WASF3: variants seen among roughly 807,000 people sequenced by gnomAD.
WASF3 encodes WASP family member 3, also known as actin-binding protein WASF3.
WASF3 carries 11 observed loss-of-function variants against 46.6 expected under a neutral mutation model. The ratio of observed to expected loss-of-function variants is 0.24; its 90% CI spans 0.15 to 0.39. WASF3 has a LOEUF of 0.39. Among genes scored for constraint, WASF3 ranks in the 10% least tolerant of loss-of-function variants. The pLI is 1.00. For missense variants in WASF3, 576 were observed against 669.8 expected (o/e 0.86, Z 1.55); for synonymous variants, 242 against 259.7 (o/e 0.93, Z 0.65).
intron 1 of WASF3, chr13:26,606,857 T>TA (rs1250311921): frequency 2.0e-5 from 3 of 152,188 alleles, no homozygotes; most frequent in Non-Finnish European, 1.5e-5. Context: ...AGGTTTCACT[T>TA]ACCGCAGTTT....
At chr13:26,622,465 G>C (rs886257088) in intron 2 of WASF3, among the ~76,000 whole-genome samples, 1 of 152,198 alleles carries the variant, frequency 6.6e-6, no homozygotes, top group Non-Finnish European at 1.5e-5. Context: ...CAGTTTATTT[G>C]CCCCATTACA....
chr13:26,556,651 G>A (rs114769995), upstream of WASF3, among the ~76,000 whole-genome samples: 2,368 of 152,254 alleles, frequency 0.016, 18 homozygotes, highest in African/African-American at 0.027. Flanking sequence ...TGCATTTCTG[G>A]TGTTGCAAAC....
intron 1 of WASF3, among the ~76,000 whole-genome samples, chr13:26,611,091 C>G (rs1880964626): frequency 7.3e-6 from 1 of 137,360 alleles, no homozygotes; most frequent in South Asian, 2.4e-4. Flanking sequence ...AAGCTGGTCT[C>G]AAACTCCTGG....
chr13:26,569,168 C>T (rs997712306), intron 1 of WASF3, among the ~76,000 whole-genome samples: 3 of 152,084 alleles, frequency 2.0e-5, no homozygotes, highest in Non-Finnish European at 4.4e-5. Context: ...AAAATAAAAT[C>T]ACAATCATAG....
intron 9 of WASF3, among the ~76,000 whole-genome samples, chr13:26,683,719 A>G (rs1168403442): frequency 6.6e-6 from 1 of 152,106 alleles, no homozygotes; most frequent in Non-Finnish European, 1.5e-5. Flanking sequence ...TATAATATTC[A>G]ACAGCATAAC....
At chr13:26,557,174 G>C (rs893330861), upstream of WASF3, among the ~76,000 whole-genome samples, 3 of 152,134 alleles carry the variant, frequency 2.0e-5, no homozygotes, top group African/African-American at 7.2e-5. Flanking sequence ...AAGGAGATGG[G>C]AAGATTTTAA....
At chr13:26,668,716 G>A (rs772301511) in intron 5 of WASF3, among the ~76,000 whole-genome samples, 5 of 152,166 alleles carry the variant, frequency 3.3e-5, no homozygotes, top group Admixed American at 1.3e-4. Context: ...CTTTCTTTCC[G>A]CACAGACAGG....
At chr13:26,603,293 A>G (rs1880696654) in intron 1 of WASF3, among the ~76,000 whole-genome samples, 1 of 152,220 alleles carries the variant, frequency 6.6e-6, no homozygotes, top group Non-Finnish European at 1.5e-5. Flanking sequence ...ATCTGGTTTC[A>G]GAGAGCAAGG....
intron 1 of WASF3, among the ~76,000 whole-genome samples, chr13:26,578,527 C>A (rs186769538): frequency 1.3e-5 from 2 of 152,300 alleles, no homozygotes; most frequent in Admixed American, 1.3e-4. Context: ...ACAGTAAAAC[C>A]TAATGGTCAG....
intron 3 of WASF3, among the ~76,000 whole-genome samples, chr13:26,646,889 T>G (rs534216285): frequency 6.6e-6 from 1 of 152,332 alleles, no homozygotes; most frequent in East Asian, 1.9e-4. Context: ...GTCACACTTA[T>G]GGAGACAGTT....
At chr13:26,604,395 C>T (rs1441217320) in intron 1 of WASF3, among the ~76,000 whole-genome samples, 3 of 152,030 alleles carry the variant, frequency 2.0e-5, no homozygotes, top group Non-Finnish European at 4.4e-5. Flanking sequence ...GCAATCAAAG[C>T]TGTTTAATGA....
upstream of WASF3, among the ~76,000 whole-genome samples, chr13:26,555,239 G>C (rs1879071037): frequency 6.6e-6 from 1 of 152,062 alleles, no homozygotes; most frequent in Non-Finnish European, 1.5e-5. Context: ...TTGCTCACTT[G>C]AAAATTGGAT....
chr13:26,646,190 G>C (rs983317468), intron 3 of WASF3, among the ~76,000 whole-genome samples: 1 of 152,160 alleles, frequency 6.6e-6, no homozygotes, highest in African/African-American at 2.4e-5. Context: ...TCAGTTGTTC[G>C]TGGTTTGCCA....
rs1445573636 is a variant in WASF3 at position 26,649,906 on chromosome 13, T to TA, written c.133+7510dup. On this transcript the variant is annotated intron_variant, in intron 3 of 9. Coordinates refer to ENST00000335327, the MANE Select transcript of WASF3 (RefSeq NM_006646.6). ...CCAAGGTGGTGAAACCCCGTCTCTC[T>TA]AAAAAAATACAAAAATTAGCCAGGC... Among the ~76,000 whole-genome samples the TA allele has an allele frequency of 2.2e-4, 34 of 151,248 alleles. 1 individual carries two copies. Among genetic ancestry groups the TA allele is most frequent in the Admixed American group, 2.2e-3 (33 of 15,228 alleles).
intron 6 of WASF3, among the ~76,000 whole-genome samples, chr13:26,675,648 G>GTC (rs1482175978): frequency 7.8e-5 from 10 of 128,102 alleles, no homozygotes; most frequent in African/African-American, 3.0e-4. Flanking sequence ...CAGATGCCAT[G>GTC]TCTGTGTGTG....
In WASF3 at chr13:26,682,782, T is replaced by C; in HGVS notation, c.1159T>C (p.Ser387Pro). The change falls in exon 9 of 10, where the codon TCC becomes CCC. Residue 387 changes from serine (S) to proline (P), a missense_variant. Ser to Pro is a moderately conservative substitution (Grantham distance 74). Around this residue, in one of 3 missense-constraint regions of WASF3, gnomAD observed 295 missense variants for 291.5 expected, o/e 1.01. Transcript: ENST00000335327. The surrounding 1 kb of genome is among the most constrained non-coding windows in gnomAD (Gnocchi z 4.4). ...STHAAPPHPP[S>P]TGLLVTAPPP... ...GCACGCAGCTCCTCCTCACCCACCC[T>C]CCACCGGGCTCCTGGTCACAGCCCC... 1 of 1,611,016 alleles carries C rather than the reference T, an allele frequency of 6.2e-7. No homozygotes were observed. The highest frequency in any genetic ancestry group is 8.5e-7 in the Non-Finnish European group (1 of 1,179,862).
At chr13:26,561,653 A>T (rs1464894993) in intron 1 of WASF3, among the ~76,000 whole-genome samples, 1 of 152,102 alleles carries the variant, frequency 6.6e-6, no homozygotes. Context: ...AAACAGGGAG[A>T]CTGGGGGATG....
At chr13:26,554,037 T>C (rs4769502), upstream of WASF3, among the ~76,000 whole-genome samples, 2,434 of 49,148 alleles carry the variant, frequency 0.05, 287 homozygotes, top group African/African-American at 0.11. Flanking sequence ...TTCTTTCTCT[T>C]TCTTTCCTTC....
At chr13:26,560,772 A>G (rs1475571634) in intron 1 of WASF3, among the ~76,000 whole-genome samples, 1 of 152,232 alleles carries the variant, frequency 6.6e-6, no homozygotes, top group African/African-American at 2.4e-5. Context: ...GAGATAAACA[A>G]GACAGATACC....
Sources: gnomAD v4.1 joint callset for allele counts (sites outside exome capture counted in the v4.1 genomes callset) on GRCh38, gnomAD v4.1.1 for gene constraint, gnomAD v4.1.1 regional missense constraint, Gnocchi (gnomAD v3.1) non-coding constraint, MANE v1.5 for transcripts, NCBI Gene and HGNC (gene_info 2026-07-23, HGNC 2026-07-21) for gene names.